The following ASXL2 variants were observed in gnomAD, a reference collection of about 807,000 sequenced individuals.
The protein encoded by ASXL2 is ASXL transcriptional regulator 2, also known as putative Polycomb group protein ASXL2.
In ASXL2, 23 loss-of-function variants were observed where a neutral mutation model predicts 122.0. That is an observed-to-expected ratio of 0.19 (90% confidence interval 0.14 to 0.27). ASXL2 has a LOEUF of 0.27. Ranked by LOEUF, ASXL2 falls within the 10% of genes least tolerant of loss-of-function variation. The pLI is 1.00. For synonymous variants in ASXL2, 650 were observed against 637.0 expected (o/e 1.02, Z -0.31); for missense variants, 1,518 against 1,713.8 (o/e 0.89, Z 2.02).
At chr2:25,876,292 T>C (rs1263510920) in intron 1 of ASXL2, among the ~76,000 whole-genome samples, 2 of 152,222 alleles carry the variant, frequency 1.3e-5, no homozygotes, top group African/African-American at 2.4e-5. Context: ...TATACTAACA[T>C]AGGAAAAGCT....
chr2:25,864,020 T>A (rs1291354015), intron 1 of ASXL2, among the ~76,000 whole-genome samples: 13 of 146,696 alleles, frequency 8.9e-5, no homozygotes, highest in African/African-American at 2.3e-4. Context: ...AAAAAAAAAA[T>A]ACAATAAAAT....
intron 1 of ASXL2, 29 bp from the exon 2 acceptor site, chr2:25,845,592 A>T: frequency 1.0e-6 from 1 of 971,064 alleles, no homozygotes; most frequent in Non-Finnish European, 1.4e-6. Context: ...ATAATAAATT[A>T]TTTCTTATTT....
At chr2:25,842,769 CGTGT>C (rs70950126) in intron 2 of ASXL2, among the ~76,000 whole-genome samples, 81,673 of 144,718 alleles carry the variant, frequency 0.56, 24,382 homozygotes, top group East Asian at 0.85. Context: ...CGTGTGTGCA[CGTGT>C]GTGTGTGTGT....
intron 1 of ASXL2, among the ~76,000 whole-genome samples, chr2:25,876,056 TAA>T (rs2090007158): frequency 6.6e-6 from 1 of 152,140 alleles, no homozygotes; most frequent in East Asian, 1.9e-4. Flanking sequence ...CCCCCAAAAT[TAA>T]GAGTGTTTTC....
chr2:25,751,506 C>T (rs1177558204), intron 11 of ASXL2, among the ~76,000 whole-genome samples: 2 of 151,980 alleles, frequency 1.3e-5, no homozygotes, highest in African/African-American at 4.8e-5. Flanking sequence ...TGGTGGCATG[C>T]ACCTGGAGTC....
intron 2 of ASXL2, among the ~76,000 whole-genome samples, chr2:25,842,123 GAA>G (rs1360334756): frequency 8.5e-6 from 1 of 117,472 alleles, no homozygotes; most frequent in Admixed American, 8.3e-5. Flanking sequence ...AAAAAAAAAA[GAA>G]AAAAAAAAAA....
At chr2:25,752,474 T>G (rs182780733) in intron 11 of ASXL2, among the ~76,000 whole-genome samples, 1 of 152,198 alleles carries the variant, frequency 6.6e-6, no homozygotes, top group Non-Finnish European at 1.5e-5. Context: ...ATAGTCCACA[T>G]TACAAAATTC....
intron 2 of ASXL2, among the ~76,000 whole-genome samples, chr2:25,840,311 G>C (rs1032047238): frequency 6.6e-6 from 1 of 152,170 alleles, no homozygotes; most frequent in African/African-American, 2.4e-5. Flanking sequence ...GCTAGTACCT[G>C]AATCTTTCGC....
intron 1 of ASXL2, among the ~76,000 whole-genome samples, chr2:25,851,397 A>G (rs1323965658): frequency 6.6e-6 from 1 of 152,084 alleles, no homozygotes; most frequent in African/African-American, 2.4e-5. Context: ...CCACTTATAT[A>G]CCATTTGTGA....
Position 25,734,002 on chromosome 2 carries a change from C to T in ASXL2, c.*8027G>A, listed in dbSNP as rs1221098470. The T allele has an allele frequency of 6.6e-6, 1 of 151,020 alleles. No individual in the cohort carries two copies. The highest frequency in any genetic ancestry group is 1.5e-5 in the Non-Finnish European group (1 of 67,876). The allele number at this position is 151,020 out of a possible 1,614,324, so 9.4% of individuals were successfully genotyped here. A position where few individuals can be genotyped will look rare whatever the true frequency, so the allele number is the denominator to read the frequency against. On this transcript the variant is annotated 3_prime_UTR_variant, in exon 13 of 13. Transcript: ENST00000435504. ...TTACATACGGTAATTTCTTCCATTC[C>T]GACTTCTCTTAGTGCTGGTGAAGGG...
intron 4 of ASXL2, among the ~76,000 whole-genome samples, chr2:25,804,177 A>G (rs1315925828): frequency 1.3e-5 from 2 of 152,188 alleles, no homozygotes; most frequent in African/African-American, 4.8e-5. Context: ...AGATCTTTCT[A>G]ATGTTAGGCT....
chr2:25,818,314 G>T (rs943057797), intron 3 of ASXL2, among the ~76,000 whole-genome samples: 1 of 152,180 alleles, frequency 6.6e-6, no homozygotes, highest in Non-Finnish European at 1.5e-5. Flanking sequence ...ATCGAGATCA[G>T]CCTGGCCAAA....
intron 1 of ASXL2, among the ~76,000 whole-genome samples, chr2:25,849,526 G>C (rs958444140): frequency 6.6e-6 from 1 of 151,226 alleles, no homozygotes; most frequent in Non-Finnish European, 1.5e-5. Context: ...CCAGGCTGGA[G>C]TGCGGTGGTG....
chr2:25,749,215 C>G (rs1219739333), intron 12 of ASXL2, among the ~76,000 whole-genome samples: 1 of 152,124 alleles, frequency 6.6e-6, no homozygotes, highest in Non-Finnish European at 1.5e-5. Flanking sequence ...GTAGGGGAAC[C>G]GAAGGAAGCC....
rs1033777267 is a variant in ASXL2 at position 25,771,359 on chromosome 2, A to G, written c.504+81T>C. On this transcript the variant is annotated intron_variant, in intron 6 of 12. Transcript: ENST00000435504. ...AAGGGCCCAATGTAAAAAATTTTCA[A>G]AAAATATCCGATGACTGCCAGAGGT... 6.0e-6 allele frequency: 8 copies of G among 1,333,680 alleles called. No homozygotes were observed. In the African/African-American group the frequency reaches 1.2e-4, roughly 20 times the overall value. The allele number at this position is 1,333,680 out of a possible 1,614,324, so 82.6% of individuals were successfully genotyped here.
Position 25,878,461 on chromosome 2 carries a change from C to A in ASXL2, c.-239G>T. The A allele has an allele frequency of 3.7e-6, 2 of 541,976 alleles. No homozygotes were observed. The highest frequency in any genetic ancestry group is 2.2e-5 in the South Asian group (1 of 44,494). The allele number at this position is 541,976 out of a possible 1,614,324, so 33.6% of individuals were successfully genotyped here. On this transcript the variant is annotated 5_prime_UTR_variant, in exon 1 of 13. Coordinates refer to ENST00000435504, the MANE Select transcript of ASXL2 (RefSeq NM_018263.6). ...CCGCCGCTGCCATATTGGGTTCTTA[C>A]TGTACAGGCTGCCGCTACGGTCATG...
At chr2:25,811,811 G>C (rs1332125969) in intron 3 of ASXL2, among the ~76,000 whole-genome samples, 1 of 152,124 alleles carries the variant, frequency 6.6e-6, no homozygotes, top group Non-Finnish European at 1.5e-5. Flanking sequence ...GAGTACAGTG[G>C]TGCGATCTTG....
chr2:25,787,306 G>C (rs74382098), intron 5 of ASXL2, among the ~76,000 whole-genome samples: 3,739 of 152,286 alleles, frequency 0.025, 135 homozygotes, highest in African/African-American at 0.078. Context: ...GCTAAAAGCA[G>C]TGAATCCCTC....
chr2:25,774,459 A>G (rs2088513931), intron 5 of ASXL2, among the ~76,000 whole-genome samples: 2 of 152,192 alleles, frequency 1.3e-5, no homozygotes, highest in Non-Finnish European at 2.9e-5. Flanking sequence ...TACCTCTTTT[A>G]TACTTTATAT....
Sources: gnomAD v4.1 joint callset for allele counts (sites outside exome capture counted in the v4.1 genomes callset) on GRCh38, gnomAD v4.1.1 for gene constraint, MANE v1.5 for transcripts, NCBI Gene and HGNC (gene_info 2026-07-23, HGNC 2026-07-21) for gene names.